The following FRAS1 variants were observed in gnomAD, a reference collection of about 807,000 sequenced individuals.
The protein encoded by FRAS1 is extracellular matrix organizing protein FRAS1.
FRAS1 carries 290 observed loss-of-function variants against 435.2 expected under a neutral mutation model. The observed-to-expected ratio is 0.67, with a 90% CI of 0.61 to 0.73. The LOEUF is 0.73. Among genes scored for constraint, FRAS1 ranks in the 30% least tolerant of loss-of-function variants. The pLI, the probability that FRAS1 is intolerant of heterozygous loss-of-function variation, is 0.00. For missense variants in FRAS1, 4,860 were observed against 5,001.5 expected (o/e 0.97, Z 0.85); for synonymous variants, 1,800 against 1,851.0 (o/e 0.97, Z 0.71).
At position 78,384,131 on chromosome 4, in the gene FRAS1, A is replaced by G; in HGVS notation, c.3636A>G (p.Ala1212=). The change falls in exon 28 of 74, where the codon GCA becomes GCG. Residue 1212 remains alanine (A), a synonymous_variant. Transcript: ENST00000512123. Reference sequence around the variant, plus strand: ...AGCCACAGCTGATCAACATACAAGCATTTTCAACACAGGTAATAAAAATGG... The same window carrying G: ...AGCCACAGCTGATCAACATACAAGCGTTTTCAACACAGGTAATAAAAATGG... ...FSEPQLINIQ[A]FSTQAPYVLR... The G allele has an allele frequency of 6.3e-7, 1 of 1,596,468 alleles. No homozygotes were observed. The highest frequency in any genetic ancestry group is 8.5e-7 in the Non-Finnish European group (1 of 1,173,584).
intron 2 of FRAS1, chr4:78,182,129 A>T (rs1327339939): frequency 1.9e-6 from 2 of 1,045,624 alleles, no homozygotes; most frequent in Non-Finnish European, 2.7e-6. Flanking sequence ...TCTTCCCACA[A>T]GATGGCCGGG....
intron 56 of FRAS1, among the ~76,000 whole-genome samples, chr4:78,481,537 T>C (rs909688574): frequency 3.3e-5 from 5 of 152,326 alleles, no homozygotes; most frequent in East Asian, 3.9e-4. Flanking sequence ...CACAACAGCC[T>C]TCTCCCCTAA....
intron 38 of FRAS1, among the ~76,000 whole-genome samples, chr4:78,434,803 A>G (rs770307527): frequency 1.4e-4 from 21 of 152,222 alleles, no homozygotes; most frequent in Non-Finnish European, 2.8e-4. Flanking sequence ...AGAAAAAAGC[A>G]TGTCCCCTGG....
intron 2 of FRAS1, among the ~76,000 whole-genome samples, chr4:78,199,890 C>T (rs1334924363): frequency 1.3e-5 from 2 of 151,992 alleles, no homozygotes; most frequent in Non-Finnish European, 2.9e-5. Flanking sequence ...TAAAGTTAGC[C>T]CTAATGATGA....
At chr4:78,297,068 C>A (rs772886500) in intron 14 of FRAS1, among the ~76,000 whole-genome samples, 1 of 152,170 alleles carries the variant, frequency 6.6e-6, no homozygotes, top group Non-Finnish European at 1.5e-5. Context: ...CAAAACTTGG[C>A]GAGTACTACC....
intron 2 of FRAS1, among the ~76,000 whole-genome samples, chr4:78,187,929 C>T (rs1027587979): frequency 2.0e-5 from 3 of 152,102 alleles, no homozygotes; most frequent in Non-Finnish European, 4.4e-5. Flanking sequence ...AAGACAGCAT[C>T]AGCATTTGAT....
At chr4:78,161,767 A>G (rs1352163143) in intron 2 of FRAS1, among the ~76,000 whole-genome samples, 3 of 147,812 alleles carry the variant, frequency 2.0e-5, no homozygotes, top group Non-Finnish European at 3.0e-5. Context: ...AAAAAAAAAA[A>G]AAAAAGAAAA....
At chr4:78,408,530 A>G (rs1733191792) in intron 31 of FRAS1, among the ~76,000 whole-genome samples, 1 of 152,232 alleles carries the variant, frequency 6.6e-6, no homozygotes, top group South Asian at 2.1e-4. Flanking sequence ...TTCTTGGAAC[A>G]CTTACTATCT....
intron 61 of FRAS1, among the ~76,000 whole-genome samples, chr4:78,504,638 C>T (rs1372766122): frequency 6.6e-6 from 1 of 152,130 alleles, no homozygotes; most frequent in African/African-American, 2.4e-5. Context: ...AGATGGATCT[C>T]CTGAATACAG....
intron 29 of FRAS1, among the ~76,000 whole-genome samples, chr4:78,396,530 C>A (rs545583326): frequency 2.0e-5 from 3 of 152,140 alleles, no homozygotes; most frequent in African/African-American, 7.2e-5. Context: ...GTTTTTTTCT[C>A]TAAGTGTTTC....
intron 14 of FRAS1, among the ~76,000 whole-genome samples, chr4:78,297,904 A>G (rs1047411877): frequency 4.6e-5 from 7 of 151,728 alleles, no homozygotes; most frequent in Non-Finnish European, 8.8e-5. Context: ...ATCAATTGCA[A>G]ACACAGTGGG....
intron 2 of FRAS1, among the ~76,000 whole-genome samples, chr4:78,075,862 C>T (rs112933089): frequency 0.019 from 2,845 of 152,126 alleles, 36 homozygotes; most frequent in Non-Finnish European, 0.028. Flanking sequence ...TATAAGTAAA[C>T]GCATAAGTGG....
intron 2 of FRAS1, among the ~76,000 whole-genome samples, chr4:78,146,435 T>C (rs1720423630): frequency 6.6e-6 from 1 of 152,200 alleles, no homozygotes; most frequent in African/African-American, 2.4e-5. Context: ...TCTCTTCCTT[T>C]ATATTCCATA....
At chr4:78,495,450 G>T (rs1367668788) in intron 59 of FRAS1, among the ~76,000 whole-genome samples, 1 of 152,078 alleles carries the variant, frequency 6.6e-6, no homozygotes, top group African/African-American at 2.4e-5. Flanking sequence ...AAAAGTGATA[G>T]CTTCCTTCTT....
chr4:78,181,942 C>A, intron 2 of FRAS1: 1 of 1,608,594 alleles, frequency 6.2e-7, no homozygotes, highest in Non-Finnish European at 8.5e-7. Flanking sequence ...TTTTCTTGTT[C>A]TCCGCTGCCT....
At chr4:78,239,234 A>G (rs1724897926) in intron 3 of FRAS1, among the ~76,000 whole-genome samples, 1 of 152,126 alleles carries the variant, frequency 6.6e-6, no homozygotes, top group South Asian at 2.1e-4. Context: ...GGTAAATGGC[A>G]ACCCCATTCT....
chr4:78,527,911 T>C lies in FRAS1; in HGVS notation c.10925+1254T>C, dbSNP rs537575115. ...TAGAGGGAAAGCTTGCAGAGCCAGA[T>C]ATTTGAGCGGGGCAAGGGAGTAGAT... On this transcript the variant is annotated intron_variant, in intron 70 of 73. Coordinates refer to ENST00000512123, the MANE Select transcript of FRAS1 (RefSeq NM_025074.7). 1.6e-4 allele frequency among the ~76,000 whole-genome samples: 25 copies of C among 152,180 alleles called. No individual in the cohort carries two copies. The South Asian group carries it at 4.4e-3, about 26-fold the overall frequency.
intron 2 of FRAS1, among the ~76,000 whole-genome samples, chr4:78,222,469 G>A (rs1237288523): frequency 2.0e-5 from 3 of 152,174 alleles, no homozygotes; most frequent in Admixed American, 2.0e-4. Context: ...TTGACTGCAG[G>A]GCAGAAAGAA....
Position 78,432,483 on chromosome 4 carries a change from T to C in FRAS1, c.5096T>C (p.Val1699Ala). 1.2e-6 allele frequency: 2 copies of C among 1,613,096 alleles called. No homozygotes were observed. Among genetic ancestry groups the C allele is most frequent in the Non-Finnish European group, 1.7e-6 (2 of 1,179,546 alleles). ...TDGLTVTMLE[V>A]RVEVSLSEDR... The stretch of plus-strand genomic sequence containing the variant: ...GGCCTCACAGTGACAATGCTGGAGG[T>C]GAGAGTAGAGGTGTCCCTGTCAGAA... Residue 1699 changes from valine to alanine, a missense_variant, in exon 38 of 74, where the codon GTG (valine) becomes GCG (alanine). Val to Ala is a moderately conservative substitution (Grantham distance 64). Coordinates refer to ENST00000512123, the MANE Select transcript of FRAS1 (RefSeq NM_025074.7).
Sources: allele counts gnomAD v4.1 joint callset (sites outside exome capture counted in the v4.1 genomes callset), GRCh38; gene constraint gnomAD v4.1.1; transcripts MANE v1.5; gene names NCBI Gene and HGNC (gene_info 2026-07-23, HGNC 2026-07-21).